The following GREM2 variants were observed in gnomAD, a reference collection of about 807,000 sequenced individuals.
GREM2 encodes the protein gremlin 2, DAN family BMP antagonist.
A neutral mutation model predicts 14.2 loss-of-function variants in GREM2; 11 were observed. The ratio of observed to expected loss-of-function variants is 0.78; its 90% CI spans 0.49 to 1.28. The LOEUF is 1.28. Ranked by LOEUF, GREM2 falls within the 50% of genes most tolerant of loss-of-function variation. GREM2 has a pLI of 0.00. For missense variants in GREM2, 210 were observed against 218.5 expected, an observed-to-expected ratio of 0.96 and a Z score of 0.24; for synonymous variants, 98 against 97.6, an observed-to-expected ratio of 1.00 and a Z score of -0.02.
At chr1:240,522,549 A>C (rs1219336611) in intron 1 of GREM2, among the ~76,000 whole-genome samples, 2 of 152,186 alleles carry the variant, frequency 1.3e-5, no homozygotes. Context: ...AGAGAACGTC[A>C]TTGTTGTCAG....
In GREM2 at chr1:240,543,301, T is replaced by C. The variant is rs1223642426; in HGVS notation, c.-1-49825A>G. Among the ~76,000 whole-genome samples the C allele has an allele frequency of 3.3e-5, 5 of 152,178 alleles. No homozygotes were observed. The highest frequency in any genetic ancestry group is 7.3e-5 in the Non-Finnish European group (5 of 68,038). ...ATAAAAAGACATACCTGAAACTGTG[T>C]AATTTATAAAGAAAAGAGGTTTAAT... On this transcript the variant is annotated intron_variant, in intron 1 of 1. Coordinates refer to ENST00000318160, the MANE Select transcript of GREM2 (RefSeq NM_022469.4). This position sits in a 1 kb window ranked among gnomAD's most constrained non-coding sequence, Gnocchi z 6.4.
rs375335471 is a variant in GREM2, at chr1:240,555,692, A to G, written c.-2+56192T>C. ...TAGATGATACAGTTAAGAGAAATTT[A>G]TCAGAGATCAAGAGATAAGTGAAAA... On this transcript the variant is annotated intron_variant, in intron 1 of 1. Transcript: ENST00000318160. 2.7e-3 allele frequency among the ~76,000 whole-genome samples: 408 copies of G among 152,358 alleles called. 3 individuals carry two copies. The highest frequency in any genetic ancestry group is 9.3e-3 in the African/African-American group (388 of 41,590).
At chr1:240,521,445 A>C (rs9428849) in intron 1 of GREM2, among the ~76,000 whole-genome samples, 112,529 of 150,340 alleles carry the variant, frequency 0.75, 43,191 homozygotes, top group East Asian at 0.94. Context: ...GTGAGGGGCG[A>C]CTGTAGTCCC....
chr1:240,561,528 T>G (rs991097701), intron 1 of GREM2, among the ~76,000 whole-genome samples: 2 of 152,178 alleles, frequency 1.3e-5, no homozygotes, highest in Non-Finnish European at 2.9e-5. Context: ...GTTCCATAAA[T>G]AAGCTACTTC....
At chr1:240,494,195 C>T (rs1198522325) in intron 1 of GREM2, among the ~76,000 whole-genome samples, 3 of 152,180 alleles carry the variant, frequency 2.0e-5, no homozygotes, top group African/African-American at 7.2e-5. Context: ...TCATTTCATC[C>T]TAAAAATAGC....
chr1:240,540,865 A>T lies in GREM2; in HGVS notation c.-1-47389T>A, dbSNP rs1227196460. ...TGTGAGCCACCACGCCAGGCCGCAT[A>T]ATACTTCTTAAAAGAAGACAGTTAC... On this transcript the variant is annotated intron_variant, in intron 1 of 1. Coordinates refer to ENST00000318160, the MANE Select transcript of GREM2 (RefSeq NM_022469.4). The surrounding 1 kb of genome is among the most constrained non-coding windows in gnomAD (Gnocchi z 4.2). Among the ~76,000 whole-genome samples, 1 of 152,048 alleles carries T rather than the reference A, an allele frequency of 6.6e-6. No individual in the cohort carries two copies. The highest frequency in any genetic ancestry group is 6.6e-5 in the Admixed American group (1 of 15,258).
In GREM2 at chr1:240,563,135, A is replaced by ATG. The variant is rs10549945; in HGVS notation, c.-2+48747_-2+48748dup. Among the ~76,000 whole-genome samples, 671 of 134,606 alleles carry ATG rather than the reference A, an allele frequency of 5.0e-3. 3 individuals are homozygous for ATG. The highest frequency in any genetic ancestry group is 0.016 in the African/African-American group (571 of 36,042). The allele number at this position is 134,606 out of a possible 152,430, so 88.3% of individuals were successfully genotyped here. Reference sequence around the variant, plus strand: ...TGTGTATATGTGAGTGTGTATGTGTATGTGTGTGTGTGAGTGTGTATGTGT... The same window carrying ATG: ...TGTGTATATGTGAGTGTGTATGTGTATGTGTGTGTGTGTGAGTGTGTATGTGT... On this transcript the variant is annotated intron_variant, in intron 1 of 1. Transcript: ENST00000318160.
rs545741692 is a variant in GREM2 at position 240,535,164 on chromosome 1, A to G, written c.-1-41688T>C. 5.9e-5 allele frequency among the ~76,000 whole-genome samples: 9 copies of G among 152,342 alleles called. No individual in the cohort carries two copies. The South Asian group carries it at 1.7e-3, about 28-fold the overall frequency. ...AAAATTATAGTTGTGAGCACTTAGT[A>G]TAGGCATTGAGTAATACTTTACATT... On this transcript the variant is annotated intron_variant, in intron 1 of 1. Coordinates refer to ENST00000318160, the MANE Select transcript of GREM2 (RefSeq NM_022469.4).
At chr1:240,531,033 C>A (rs1678347648) in intron 1 of GREM2, among the ~76,000 whole-genome samples, 1 of 152,188 alleles carries the variant, frequency 6.6e-6, no homozygotes, top group South Asian at 2.1e-4. Flanking sequence ...TAAAGGCTTT[C>A]TTTTATTCTG....
At chr1:240,498,932 G>C (rs771618494) in intron 1 of GREM2, among the ~76,000 whole-genome samples, 3 of 152,174 alleles carry the variant, frequency 2.0e-5, no homozygotes, top group African/African-American at 4.8e-5. Flanking sequence ...AAGCAGACTG[G>C]GTTGGCCAAA....
chr1:240,541,637 G>T (rs1206210252), intron 1 of GREM2, among the ~76,000 whole-genome samples: 3 of 151,128 alleles, frequency 2.0e-5, no homozygotes, highest in Non-Finnish European at 4.4e-5. Flanking sequence ...AATTTCATGG[G>T]TTTTATTTCC....
chr1:240,510,102 G>A (rs1372645507), intron 1 of GREM2, among the ~76,000 whole-genome samples: 2 of 152,116 alleles, frequency 1.3e-5, no homozygotes, highest in African/African-American at 4.8e-5. Context: ...GGGTGCGGTG[G>A]CTCACGCCTG....
chr1:240,529,583 T>TA (rs1020517016), intron 1 of GREM2, among the ~76,000 whole-genome samples: 16 of 151,238 alleles, frequency 1.1e-4, no homozygotes, highest in African/African-American at 1.9e-4. Context: ...GTCAGATGAA[T>TA]AAAAAAAAAG....
intron 1 of GREM2, among the ~76,000 whole-genome samples, chr1:240,538,987 G>A (rs1347001834): frequency 6.6e-6 from 1 of 152,132 alleles, no homozygotes; most frequent in Non-Finnish European, 1.5e-5. Context: ...AAGTACTGAT[G>A]CCAAGTACAT....
intron 1 of GREM2, among the ~76,000 whole-genome samples, chr1:240,610,807 C>T (rs1443594348): frequency 3.9e-5 from 6 of 152,176 alleles, no homozygotes; most frequent in Non-Finnish European, 8.8e-5. Context: ...CAATCTGTTC[C>T]ACTGCAGAAA....
At chr1:240,585,727 C>G (rs1330179933) in intron 1 of GREM2, among the ~76,000 whole-genome samples, 1 of 75,444 alleles carries the variant, frequency 1.3e-5, no homozygotes, top group Non-Finnish European at 2.2e-5. Context: ...GAGACTCCAT[C>G]TCAAAAAAAA....
intron 1 of GREM2, among the ~76,000 whole-genome samples, chr1:240,578,031 G>A (rs1047568827): frequency 6.6e-6 from 1 of 152,122 alleles, no homozygotes; most frequent in Non-Finnish European, 1.5e-5. Flanking sequence ...TGTTAGATGT[G>A]GAGGCAATAG....
intron 1 of GREM2, among the ~76,000 whole-genome samples, chr1:240,594,201 G>A (rs904734679): frequency 2.6e-5 from 4 of 152,074 alleles, no homozygotes; most frequent in Non-Finnish European, 5.9e-5. Flanking sequence ...TGATCCTCCT[G>A]CCTTGGCCTC....
At chr1:240,608,233 T>G (rs1297141541) in intron 1 of GREM2, among the ~76,000 whole-genome samples, 1 of 152,346 alleles carries the variant, frequency 6.6e-6, no homozygotes, top group Admixed American at 6.5e-5. Flanking sequence ...ATGGTATGCA[T>G]TCAACAAATG....
Sources: allele counts gnomAD v4.1 joint callset (sites outside exome capture counted in the v4.1 genomes callset), GRCh38; gene constraint gnomAD v4.1.1; non-coding constraint Gnocchi (gnomAD v3.1); transcripts MANE v1.5; gene names NCBI Gene and HGNC (gene_info 2026-07-23, HGNC 2026-07-21).